Variants in SHISA6 observed in about 807,000 individuals in gnomAD.
SHISA6 encodes the protein protein shisa-6.
In SHISA6, 22 loss-of-function variants were observed where a neutral mutation model predicts 47.9. The observed-to-expected ratio is 0.46, with a 90% CI of 0.33 to 0.66. The LOEUF (loss-of-function observed/expected upper bound fraction) is 0.66, where lower values mean the gene tolerates loss of function less well. Among genes scored for constraint, SHISA6 ranks in the 30% least tolerant of loss-of-function variants. SHISA6 has a pLI of 0.02. For missense variants in SHISA6, 680 were observed against 764.6 expected (o/e 0.89, Z 1.30); for synonymous variants, 388 against 337.8 (o/e 1.15, Z -1.63).
At chr17:11,325,084 C>A (rs1032421866) in intron 2 of SHISA6, among the ~76,000 whole-genome samples, 7 of 152,144 alleles carry the variant, frequency 4.6e-5, no homozygotes, top group African/African-American at 1.7e-4. Flanking sequence ...GAGAAATGTG[C>A]CATCATTCTC....
At chr17:11,296,422 G>T (rs904712605) in intron 2 of SHISA6, among the ~76,000 whole-genome samples, 3 of 152,176 alleles carry the variant, frequency 2.0e-5, no homozygotes, top group African/African-American at 7.2e-5. Context: ...AGTGGGGCTT[G>T]ATTTGTGTAT....
intron 2 of SHISA6, among the ~76,000 whole-genome samples, chr17:11,354,612 T>C (rs1912019861): frequency 6.6e-6 from 1 of 152,174 alleles, no homozygotes; most frequent in Non-Finnish European, 1.5e-5. Flanking sequence ...CCTGGGCATC[T>C]AGAGATTGGA....
chr17:11,448,687 G>A lies in SHISA6; in HGVS notation c.895+69178G>A, dbSNP rs548178998. Among the ~76,000 whole-genome samples the A allele has an allele frequency of 4.6e-5, 7 of 152,272 alleles. No homozygotes were observed. In the East Asian group the frequency reaches 7.8e-4, roughly 17 times the overall value. On this transcript the variant is annotated intron_variant, in intron 3 of 5. Coordinates refer to ENST00000441885, the MANE Select transcript of SHISA6 (RefSeq NM_207386.4). Reference sequence around the variant, plus strand: ...ACTAAAATACAAAAATTAGCCGGGCGTGGTGGTGAGTGCCTGTAATCCCAG... The same window carrying A: ...ACTAAAATACAAAAATTAGCCGGGCATGGTGGTGAGTGCCTGTAATCCCAG...
intron 3 of SHISA6, among the ~76,000 whole-genome samples, chr17:11,544,662 T>A (rs953415042): frequency 6.6e-6 from 1 of 152,116 alleles, no homozygotes; most frequent in Non-Finnish European, 1.5e-5. Flanking sequence ...GAAGATTTTT[T>A]AAAAATTAAA....
At chr17:11,242,170 A>G in intron 1 of SHISA6, 110 bp downstream of exon 1, 1 of 1,385,708 alleles carries the variant, frequency 7.2e-7, no homozygotes, top group Admixed American at 2.3e-5. Context: ...CAGGCCCTCT[A>G]GTCATTTCCA....
chr17:11,348,246 A>G (rs1024109459), intron 2 of SHISA6, among the ~76,000 whole-genome samples: 7 of 152,142 alleles, frequency 4.6e-5, no homozygotes, highest in African/African-American at 1.7e-4. Context: ...TATGGGACCA[A>G]AAAGAGTTGG....
intron 2 of SHISA6, among the ~76,000 whole-genome samples, chr17:11,358,725 G>A (rs1034105267): frequency 1.3e-5 from 2 of 151,116 alleles, no homozygotes; most frequent in African/African-American, 2.4e-5. Flanking sequence ...GTGCAGTGGC[G>A]GCGGGCATGA....
intron 3 of SHISA6, among the ~76,000 whole-genome samples, chr17:11,434,757 A>G (rs1914890410): frequency 6.6e-6 from 1 of 152,150 alleles, no homozygotes; most frequent in African/African-American, 2.4e-5. Flanking sequence ...ACACTGTTCT[A>G]GTCTCTATCA....
intron 3 of SHISA6, among the ~76,000 whole-genome samples, chr17:11,451,226 C>G (rs564223772): frequency 2.6e-5 from 4 of 152,202 alleles, no homozygotes; most frequent in African/African-American, 9.6e-5. Flanking sequence ...TTCTCTGCCC[C>G]CTTCAATAGG....
chr17:11,290,960 A>T (rs761703918), intron 2 of SHISA6: 4 of 151,702 alleles, frequency 2.6e-5, no homozygotes, highest in Non-Finnish European at 5.9e-5. Flanking sequence ...ACTTTCTGCT[A>T]GGTTCCATTT....
intron 1 of SHISA6, among the ~76,000 whole-genome samples, chr17:11,250,767 T>C (rs1907771198): frequency 6.6e-6 from 1 of 152,076 alleles, no homozygotes; most frequent in Non-Finnish European, 1.5e-5. Flanking sequence ...TGCTCACGTG[T>C]CAGGACAGTG....
intron 3 of SHISA6, among the ~76,000 whole-genome samples, chr17:11,411,439 C>G (rs1264702166): frequency 2.0e-5 from 3 of 152,042 alleles, no homozygotes; most frequent in Admixed American, 6.6e-5. Flanking sequence ...CTCTGTAGCC[C>G]AGGCTGGAGT....
At chr17:11,511,370 T>C (rs1177950685) in intron 3 of SHISA6, among the ~76,000 whole-genome samples, 2 of 152,068 alleles carry the variant, frequency 1.3e-5, no homozygotes, top group African/African-American at 2.4e-5. Flanking sequence ...GGGTTAAAGG[T>C]GCAGCAAACC....
intron 3 of SHISA6, among the ~76,000 whole-genome samples, chr17:11,525,652 C>CAAAAAAAAAAAAAAAAAAAAAAAAAAAAA: frequency 9.6e-6 from 1 of 104,280 alleles, no homozygotes. Context: ...AAAAAAAAAA[C>CAAAAAAAAAAAAAAAAAAAAAAAAAAAAA]AAAAAAAAAA....
chr17:11,412,814 C>T (rs529536808), intron 3 of SHISA6, among the ~76,000 whole-genome samples: 3 of 152,266 alleles, frequency 2.0e-5, no homozygotes, highest in South Asian at 2.1e-4. Flanking sequence ...CCCCTGGGCC[C>T]GGGTGTGGCC....
At chr17:11,252,154 C>T (rs771772246) in intron 1 of SHISA6, among the ~76,000 whole-genome samples, 44 of 152,196 alleles carry the variant, frequency 2.9e-4, no homozygotes, top group Admixed American at 1.4e-3. Context: ...GTCCCTCTCT[C>T]CAGACCCACG....
intron 2 of SHISA6, among the ~76,000 whole-genome samples, chr17:11,280,805 G>A (rs1279517199): frequency 6.6e-6 from 1 of 152,220 alleles, no homozygotes; most frequent in African/African-American, 2.4e-5. Flanking sequence ...TGCTCAATGG[G>A]TTGAATGGCA....
At chr17:11,338,183 C>T (rs1352200956) in intron 2 of SHISA6, among the ~76,000 whole-genome samples, 1 of 152,148 alleles carries the variant, frequency 6.6e-6, no homozygotes, top group Non-Finnish European at 1.5e-5. Context: ...TCAGCAGCTG[C>T]ACACAGACTA....
chr17:11,287,503 T>C (rs1161797348), intron 2 of SHISA6, among the ~76,000 whole-genome samples: 1 of 150,614 alleles, frequency 6.6e-6, no homozygotes, highest in Non-Finnish European at 1.5e-5. Context: ...TTAGGCAAAA[T>C]GGTGAGACTC....
Sources: gnomAD v4.1 joint callset for allele counts (sites outside exome capture counted in the v4.1 genomes callset) on GRCh38, gnomAD v4.1.1 for gene constraint, MANE v1.5 for transcripts, NCBI Gene and HGNC (gene_info 2026-07-23, HGNC 2026-07-21) for gene names.